MYO16: variants seen among roughly 807,000 people sequenced by gnomAD.
The protein encoded by MYO16 is myosin XVI, also known as unconventional myosin-XVI.
In MYO16, 94 loss-of-function variants were observed where a neutral mutation model predicts 205.3. That is an observed-to-expected ratio of 0.46 (90% CI 0.39 to 0.54). MYO16 has a LOEUF of 0.54. Among genes scored for constraint, MYO16 ranks in the 20% least tolerant of loss-of-function variants. The probability of loss-of-function intolerance (pLI) is 0.00; values close to 1 mark genes in which losing one functional copy is unlikely to be tolerated. For missense variants in MYO16, 2,315 were observed against 2,387.5 expected (o/e 0.97, Z 0.63); for synonymous variants, 988 against 954.0 (o/e 1.04, Z -0.66).
intron 13 of MYO16, among the ~76,000 whole-genome samples, chr13:108,883,476 T>C (rs1879715776): frequency 6.6e-6 from 1 of 152,140 alleles, no homozygotes; most frequent in Non-Finnish European, 1.5e-5. Context: ...TAAGAAAACA[T>C]GGAGAAAGAA....
chr13:109,127,618 G>A lies in MYO16; in HGVS notation c.4051+68G>A, dbSNP rs1384110148. 3.3e-6 allele frequency: 5 copies of A among 1,517,618 alleles called. No individual in the cohort carries two copies. Among genetic ancestry groups the A allele is most frequent in the Admixed American group, 3.7e-5 (2 of 54,760 alleles). 94.0% of individuals were successfully genotyped at this position (1,517,618 alleles called of 1,614,324 possible). On this transcript the variant is annotated intron_variant, in intron 31 of 34. Transcript: ENST00000457511. The surrounding 1 kb of genome is among the most constrained non-coding windows in gnomAD (Gnocchi z 4.2). ...GCATGCTCTGACTTCGCCTTGGGGC[G>A]CCCATGGCAGTACTGTCGCCCTAAT...
chr13:108,596,596 T>G (rs1188216901), intron 1 of MYO16, among the ~76,000 whole-genome samples: 2 of 152,244 alleles, frequency 1.3e-5, no homozygotes, highest in African/African-American at 4.8e-5. Context: ...CAAAGTCTTG[T>G]GTACAATTTA....
intron 9 of MYO16, among the ~76,000 whole-genome samples, chr13:108,825,456 A>G (rs1362648822): frequency 1.3e-5 from 2 of 152,038 alleles, no homozygotes; most frequent in African/African-American, 4.8e-5. Flanking sequence ...AAACAGGGCT[A>G]ACGTCATACT....
chr13:108,590,574 C>T, the MYO16 span, among the ~76,000 whole-genome samples: 1 of 152,104 alleles, frequency 6.6e-6, no homozygotes, highest in African/African-American at 2.4e-5. Flanking sequence ...TAGTTAAGAT[C>T]AAGTCATACT....
chr13:108,927,431 A>C (rs1193494159), intron 16 of MYO16, among the ~76,000 whole-genome samples: 1 of 151,954 alleles, frequency 6.6e-6, no homozygotes, highest in Non-Finnish European at 1.5e-5. Flanking sequence ...AGGCACTGGG[A>C]CTTGCCATCC....
intron 12 of MYO16, among the ~76,000 whole-genome samples, chr13:108,878,292 C>T (rs1879422879): frequency 6.6e-6 from 1 of 152,036 alleles, no homozygotes; most frequent in Non-Finnish European, 1.5e-5. Flanking sequence ...CCAGACTCCA[C>T]AAGCAGATGA....
intron 34 of MYO16, among the ~76,000 whole-genome samples, chr13:109,193,097 T>G (rs1168642699): frequency 6.6e-6 from 1 of 151,982 alleles, no homozygotes; most frequent in Non-Finnish European, 1.5e-5. Context: ...CCACACTTCA[T>G]ACATACTCTC....
At chr13:109,149,468 G>C (rs762994552) in intron 32 of MYO16, among the ~76,000 whole-genome samples, 3 of 152,114 alleles carry the variant, frequency 2.0e-5, no homozygotes, top group Non-Finnish European at 4.4e-5. Context: ...TCAAAGTCAG[G>C]AATCAAACAC....
intron 23 of MYO16, among the ~76,000 whole-genome samples, chr13:109,046,185 C>T (rs921769611): frequency 1.3e-5 from 2 of 152,190 alleles, no homozygotes; most frequent in Non-Finnish European, 2.9e-5. Flanking sequence ...AGAGAACAGA[C>T]TATGACACAC....
intron 4 of MYO16, among the ~76,000 whole-genome samples, chr13:108,742,022 C>A (rs1884926290): frequency 6.6e-6 from 1 of 152,076 alleles, no homozygotes; most frequent in African/African-American, 2.4e-5. Context: ...GAGACAGAAT[C>A]TTACTTTGTT....
intron 1 of MYO16, among the ~76,000 whole-genome samples, chr13:108,658,126 C>T (rs1250286682): frequency 2.6e-5 from 4 of 151,964 alleles, no homozygotes; most frequent in Non-Finnish European, 5.9e-5. Context: ...TTCTATTGTA[C>T]GAAAGAACTG....
chr13:108,564,303 T>C, the MYO16 span, among the ~76,000 whole-genome samples: 1 of 151,878 alleles, frequency 6.6e-6, no homozygotes, highest in Non-Finnish European at 1.5e-5. Flanking sequence ...CCCAAGTAGC[T>C]GGGATTAAAG....
At chr13:109,122,546 C>T (rs1876040303) in intron 29 of MYO16, among the ~76,000 whole-genome samples, 1 of 151,956 alleles carries the variant, frequency 6.6e-6, no homozygotes, top group African/African-American at 2.4e-5. Context: ...GGCATGGTAG[C>T]GCATGCCTGT....
chr13:109,037,582 G>T (rs1424015969), intron 23 of MYO16, among the ~76,000 whole-genome samples: 1 of 152,116 alleles, frequency 6.6e-6, no homozygotes, highest in Non-Finnish European at 1.5e-5. Context: ...ATCAATTAGG[G>T]ATATTCATGA....
At chr13:108,625,156 C>T (rs960119842), upstream of MYO16, among the ~76,000 whole-genome samples, 1 of 152,082 alleles carries the variant, frequency 6.6e-6, no homozygotes, top group African/African-American at 2.4e-5. Context: ...CACAATTGCC[C>T]ACATCTAACT....
chr13:109,167,840 C>A (rs535507260), intron 33 of MYO16, among the ~76,000 whole-genome samples: 3 of 151,612 alleles, frequency 2.0e-5, no homozygotes, highest in African/African-American at 7.3e-5. Context: ...AACTGCCCCC[C>A]AAAAATTCCT....
intron 21 of MYO16, among the ~76,000 whole-genome samples, chr13:109,005,950 C>G (rs1451379944): frequency 6.6e-6 from 1 of 152,118 alleles, no homozygotes; most frequent in Non-Finnish European, 1.5e-5. Flanking sequence ...ATTCTCAAGT[C>G]ATTACTAGCC....
At chr13:108,628,495 A>C (rs1879833765), upstream of MYO16, among the ~76,000 whole-genome samples, 1 of 152,206 alleles carries the variant, frequency 6.6e-6, no homozygotes. Context: ...AGATGAGGAA[A>C]CTGAGGCTTT....
intron 1 of MYO16, among the ~76,000 whole-genome samples, chr13:108,664,787 TA>T (rs1170685158): frequency 6.6e-6 from 1 of 152,226 alleles, no homozygotes; most frequent in Non-Finnish European, 1.5e-5. Flanking sequence ...TAGTGGTAAA[TA>T]TAAGTGTTTA....
Sources: allele counts gnomAD v4.1 joint callset (sites outside exome capture counted in the v4.1 genomes callset), GRCh38; gene constraint gnomAD v4.1.1; non-coding constraint Gnocchi (gnomAD v3.1); transcripts MANE v1.5; gene names NCBI Gene and HGNC (gene_info 2026-07-23, HGNC 2026-07-21).